The following PATJ variants were observed in gnomAD, a reference collection of about 807,000 sequenced individuals.
PATJ encodes PATJ crumbs cell polarity complex component, also known as inaD-like protein.
In PATJ, 190 loss-of-function variants were observed where a neutral mutation model predicts 224.9. The ratio of observed to expected loss-of-function variants is 0.84; its 90% confidence interval spans 0.75 to 0.95. PATJ has a LOEUF of 0.95. Ranked by LOEUF, PATJ falls within the 40% of genes least tolerant of loss-of-function variation. The pLI is 0.00. For missense variants in PATJ, 2,121 were observed against 2,270.3 expected, an observed-to-expected ratio of 0.93 and a Z score of 1.34; for synonymous variants, 769 against 820.3, an observed-to-expected ratio of 0.94 and a Z score of 1.07.
At chr1:62,093,146 A>G (rs1660988036) in intron 33 of PATJ, among the ~76,000 whole-genome samples, 1 of 152,162 alleles carries the variant, frequency 6.6e-6, no homozygotes, top group Non-Finnish European at 1.5e-5. Flanking sequence ...CAGAAGTTCT[A>G]TAGGGCAGCT....
chr1:62,003,729 A>G (rs1645928459), intron 28 of PATJ, among the ~76,000 whole-genome samples: 1 of 152,192 alleles, frequency 6.6e-6, no homozygotes, highest in African/African-American at 2.4e-5. Context: ...AGTTTCAGGC[A>G]TCTGCCCTGT....
At chr1:62,159,406 G>A (rs973271849) in intron 43 of PATJ, among the ~76,000 whole-genome samples, 1 of 152,088 alleles carries the variant, frequency 6.6e-6, no homozygotes, top group Non-Finnish European at 1.5e-5. Context: ...TGGCCAGTCT[G>A]ATCTTGAACT....
At chr1:61,812,394 GAA>G (rs1491037785) in intron 14 of PATJ, among the ~76,000 whole-genome samples, 85 of 122,880 alleles carry the variant, frequency 6.9e-4, no homozygotes, top group African/African-American at 2.5e-3. Context: ...GAGAGAGAGA[GAA>G]TGTGAGTGAC....
intron 1 of PATJ, among the ~76,000 whole-genome samples, chr1:61,754,794 G>A (rs1645539062): frequency 6.6e-6 from 1 of 151,970 alleles, no homozygotes; most frequent in Non-Finnish European, 1.5e-5. Flanking sequence ...GTTTCATGAT[G>A]AGCACCTGTA....
intron 37 of PATJ, among the ~76,000 whole-genome samples, chr1:62,119,487 G>C (rs1250284003): frequency 6.6e-6 from 1 of 152,190 alleles, no homozygotes. Context: ...AGTTCATTAA[G>C]AGAGAAATAA....
At chr1:62,124,241 C>G (rs998723807) in intron 39 of PATJ, among the ~76,000 whole-genome samples, 6 of 152,068 alleles carry the variant, frequency 3.9e-5, no homozygotes, top group African/African-American at 1.4e-4. Context: ...CACCACCACG[C>G]CCGGCTAATT....
At chr1:61,893,629 C>T (rs1304295571) in intron 22 of PATJ, among the ~76,000 whole-genome samples, 4 of 151,158 alleles carry the variant, frequency 2.6e-5, no homozygotes, top group Non-Finnish European at 5.9e-5. Flanking sequence ...AATGAGACCC[C>T]GTATCTACAA....
chr1:61,909,941 T>G lies in PATJ; in HGVS notation c.3492+1459T>G, dbSNP rs138559113. ...TCACTGCATTTTGCAGTATGGTGCC[T>G]TCCATTCTTAGCACTATGTTTACAT... On this transcript the variant is annotated intron_variant, in intron 25 of 43. Transcript: ENST00000642238. 5.3e-5 allele frequency among the ~76,000 whole-genome samples: 8 copies of G among 152,338 alleles called. No homozygotes were observed. The East Asian group carries it at 1.4e-3, about 26-fold the overall frequency.
At chr1:61,981,167 G>C (rs1644429243) in intron 27 of PATJ, among the ~76,000 whole-genome samples, 1 of 151,964 alleles carries the variant, frequency 6.6e-6, no homozygotes, top group Non-Finnish European at 1.5e-5. Flanking sequence ...CTTAAATTTG[G>C]TCTCTGTGAA....
intron 17 of PATJ, among the ~76,000 whole-genome samples, chr1:61,845,698 T>G (rs892862488): frequency 6.6e-6 from 1 of 152,200 alleles, no homozygotes; most frequent in Non-Finnish European, 1.5e-5. Flanking sequence ...GGTTGACCTT[T>G]CAAGGATTAA....
intron 17 of PATJ, among the ~76,000 whole-genome samples, chr1:61,842,646 C>G (rs1036256526): frequency 2.6e-5 from 4 of 151,876 alleles, no homozygotes; most frequent in Non-Finnish European, 5.9e-5. Context: ...CTCAGATTTA[C>G]TGCCATAACT....
chr1:61,959,681 A>G (rs569058491), intron 27 of PATJ, among the ~76,000 whole-genome samples: 97 of 151,980 alleles, frequency 6.4e-4, no homozygotes, highest in African/African-American at 2.3e-3. Context: ...GACTCAAGCA[A>G]TCTTCCCACC....
intron 18 of PATJ, among the ~76,000 whole-genome samples, chr1:61,857,957 G>A (rs1663956315): frequency 6.6e-6 from 1 of 152,006 alleles, no homozygotes; most frequent in South Asian, 2.1e-4. Context: ...CTTAACATAC[G>A]AATAACATAC....
intron 31 of PATJ, among the ~76,000 whole-genome samples, chr1:62,062,738 C>T (rs976741829): frequency 2.0e-5 from 3 of 151,996 alleles, no homozygotes; most frequent in Non-Finnish European, 4.4e-5. Context: ...TTTAAGTGAT[C>T]CTCCTGCCTT....
intron 27 of PATJ, among the ~76,000 whole-genome samples, chr1:61,972,846 T>C (rs1683165650): frequency 6.8e-6 from 1 of 147,840 alleles, no homozygotes; most frequent in African/African-American, 2.6e-5. Flanking sequence ...ATTTGCAAAA[T>C]AGATCTTTTT....
chr1:62,029,727 CGA>C (rs1334461526), intron 29 of PATJ, among the ~76,000 whole-genome samples: 1 of 152,012 alleles, frequency 6.6e-6, no homozygotes, highest in African/African-American at 2.4e-5. Flanking sequence ...GTGGGTACAG[CGA>C]GAGTTAGTTA....
At chr1:61,975,972 A>G (rs977143344) in intron 27 of PATJ, among the ~76,000 whole-genome samples, 1 of 151,994 alleles carries the variant, frequency 6.6e-6, no homozygotes, top group Non-Finnish European at 1.5e-5. Context: ...CTATTACCAC[A>G]TGCTAATTTT....
chr1:61,910,564 T>TTTTTTTG (rs1672482109), intron 25 of PATJ, among the ~76,000 whole-genome samples: 2 of 141,884 alleles, frequency 1.4e-5, no homozygotes, highest in Non-Finnish European at 3.0e-5. Flanking sequence ...TTTTTTTTTT[T>TTTTTTTG]GGAGACAGGG....
chr1:62,100,345 A>C, intron 33 of PATJ: 1 of 718,168 alleles, frequency 1.4e-6, no homozygotes, highest in East Asian at 2.7e-5. Context: ...GTCCAAGAGC[A>C]TGGAGCCAGC....
Sources: gnomAD v4.1 joint callset for allele counts (sites outside exome capture counted in the v4.1 genomes callset) on GRCh38, gnomAD v4.1.1 for gene constraint, MANE v1.5 for transcripts, NCBI Gene and HGNC (gene_info 2026-07-23, HGNC 2026-07-21) for gene names.